Variants in PIK3C2G observed in about 807,000 individuals in gnomAD.
PIK3C2G encodes phosphatidylinositol 3-kinase C2 domain-containing subunit gamma.
PIK3C2G carries 168 observed loss-of-function variants against 181.1 expected under a neutral mutation model. The observed-to-expected ratio is 0.93, with a 90% confidence interval of 0.82 to 1.05. The LOEUF is 1.05. Ranked by LOEUF, PIK3C2G falls within the 50% of genes least tolerant of loss-of-function variation. The pLI is 0.00. For synonymous variants in PIK3C2G, 573 were observed against 592.2 expected (o/e 0.97, Z 0.47); for missense variants, 1,869 against 1,732.8 (o/e 1.08, Z -1.40).
intron 11 of PIK3C2G, chr12:18,358,813 T>G (rs578144708): frequency 4.2e-5 from 11 of 261,698 alleles, no homozygotes; most frequent in Middle Eastern, 1.5e-3. Flanking sequence ...TGTAGTCAAA[T>G]ATACCATACT....
the PIK3C2G span, among the ~76,000 whole-genome samples, chr12:18,699,600 GTTAA>G: frequency 6.6e-6 from 1 of 152,066 alleles, no homozygotes; most frequent in South Asian, 2.1e-4. Flanking sequence ...GCTTAGGAAA[GTTAA>G]TTAATGGCTA....
chr12:18,640,579 A>T, intron 32 of PIK3C2G, 25 bp downstream of exon 32: 2 of 1,559,424 alleles, frequency 1.3e-6, no homozygotes, highest in Non-Finnish European at 1.7e-6. Flanking sequence ...CCTTTTGTCC[A>T]GTCATTTTGT....
At chr12:18,406,357 C>T (rs1944528719) in intron 16 of PIK3C2G, among the ~76,000 whole-genome samples, 1 of 152,054 alleles carries the variant, frequency 6.6e-6, no homozygotes, top group Admixed American at 6.6e-5. Flanking sequence ...ACAGATATCT[C>T]TTTGACATAC....
At chr12:18,571,686 T>C (rs1945950444) in intron 29 of PIK3C2G, among the ~76,000 whole-genome samples, 1 of 150,962 alleles carries the variant, frequency 6.6e-6, no homozygotes, top group Non-Finnish European at 1.5e-5. Flanking sequence ...TTTTGGCTAG[T>C]GTCTGCATGA....
the PIK3C2G span, among the ~76,000 whole-genome samples, chr12:18,698,864 T>C: frequency 2.6e-5 from 4 of 152,116 alleles, no homozygotes; most frequent in Non-Finnish European, 5.9e-5. Flanking sequence ...TCAAATACTA[T>C]GTCTTATTCA....
At chr12:18,376,078 T>C (rs776089814) in intron 13 of PIK3C2G, among the ~76,000 whole-genome samples, 34 of 152,112 alleles carry the variant, frequency 2.2e-4, no homozygotes, top group Admixed American at 2.2e-3. Context: ...GTGTGGAGGA[T>C]AAATATGGGG....
chr12:18,536,246 T>A (rs1233931034), intron 24 of PIK3C2G, among the ~76,000 whole-genome samples: 1 of 152,016 alleles, frequency 6.6e-6, no homozygotes, highest in Admixed American at 6.6e-5. Flanking sequence ...ACAAGGAAAT[T>A]TAGTGATAAC....
intron 18 of PIK3C2G, among the ~76,000 whole-genome samples, chr12:18,455,135 T>C (rs1295573048): frequency 6.6e-6 from 1 of 152,174 alleles, no homozygotes; most frequent in Non-Finnish European, 1.5e-5. Context: ...CTAAAGAATA[T>C]ACCAGCAAGA....
intron 24 of PIK3C2G, among the ~76,000 whole-genome samples, chr12:18,530,027 C>T (rs926816453): frequency 2.6e-5 from 4 of 152,136 alleles, no homozygotes; most frequent in Non-Finnish European, 5.9e-5. Flanking sequence ...AAATGAGGCA[C>T]CCTCATGGCC....
At chr12:18,372,770 A>C (rs937475132) in intron 13 of PIK3C2G, 1 of 152,214 alleles carries the variant, frequency 6.6e-6, no homozygotes, top group Non-Finnish European at 1.5e-5. Context: ...ACTAATCTTC[A>C]AGGCATTTTT....
downstream of PIK3C2G, among the ~76,000 whole-genome samples, chr12:18,650,664 A>ATATGTGTGTGTGTG (rs1491090562): frequency 2.2e-4 from 8 of 35,606 alleles, no homozygotes; most frequent in Admixed American, 3.8e-4. Flanking sequence ...TGGAATATAA[A>ATATGTGTGTGTGTG]TGTGTGTGTG....
At chr12:18,330,483 T>C (rs1427031916) in intron 8 of PIK3C2G, among the ~76,000 whole-genome samples, 1 of 152,180 alleles carries the variant, frequency 6.6e-6, no homozygotes, top group East Asian at 1.9e-4. Flanking sequence ...TTTTAGCCAT[T>C]CTAGTGACTA....
chr12:18,515,417 C>T (rs1942470082), intron 24 of PIK3C2G, among the ~76,000 whole-genome samples: 1 of 151,822 alleles, frequency 6.6e-6, no homozygotes, highest in Non-Finnish European at 1.5e-5. Flanking sequence ...TTAGTTTGTT[C>T]AGGTTTTCTA....
chr12:18,563,714 AGT>A (rs1197715930), intron 28 of PIK3C2G, among the ~76,000 whole-genome samples: 4 of 152,192 alleles, frequency 2.6e-5, no homozygotes, highest in Non-Finnish European at 4.4e-5. Flanking sequence ...TTTTACTTCC[AGT>A]CATTGATTTT....
chr12:18,347,227 A>G (rs1417420748), intron 11 of PIK3C2G, among the ~76,000 whole-genome samples: 8 of 152,118 alleles, frequency 5.3e-5, no homozygotes, highest in Non-Finnish European at 1.0e-4. Context: ...AAAAATAGAA[A>G]AAAAAAATCA....
At chr12:18,449,187 C>A (rs974533825) in intron 18 of PIK3C2G, among the ~76,000 whole-genome samples, 13 of 152,134 alleles carry the variant, frequency 8.5e-5, no homozygotes, top group African/African-American at 3.1e-4. Flanking sequence ...GCTCACTATT[C>A]TGTTCCATTG....
At chr12:18,496,584 A>C (rs973670397) in intron 21 of PIK3C2G, among the ~76,000 whole-genome samples, 10 of 152,146 alleles carry the variant, frequency 6.6e-5, no homozygotes, top group African/African-American at 2.4e-4. Context: ...TTTTTTTAAT[A>C]AAAAAGTAAA....
the PIK3C2G span, among the ~76,000 whole-genome samples, chr12:18,664,381 T>C: frequency 5.3e-5 from 8 of 152,240 alleles, no homozygotes; most frequent in Non-Finnish European, 1.0e-4. Context: ...TATCCATTGA[T>C]ACATAAATGG....
At chr12:18,324,142 C>G (rs1007215827) in intron 7 of PIK3C2G, among the ~76,000 whole-genome samples, 13 of 151,982 alleles carry the variant, frequency 8.6e-5, no homozygotes, top group Non-Finnish European at 1.5e-4. Context: ...ATGACGTGAA[C>G]CCCGGGGGGC....
Sources: gnomAD v4.1 joint callset for allele counts (sites outside exome capture counted in the v4.1 genomes callset) on GRCh38, gnomAD v4.1.1 for gene constraint, MANE v1.5 for transcripts, NCBI Gene and HGNC (gene_info 2026-07-23, HGNC 2026-07-21) for gene names.